The following AGAP1 variants were observed in gnomAD, a reference collection of about 807,000 sequenced individuals.
The protein encoded by AGAP1 is arf-GAP with GTPase, ANK repeat and PH domain-containing protein 1.
AGAP1 carries 29 observed loss-of-function variants against 105.3 expected under a neutral mutation model. The observed-to-expected ratio is 0.28, with a 90% CI of 0.21 to 0.38. AGAP1 has a LOEUF of 0.38. AGAP1 is among the 10% of genes least tolerant of loss of function. The probability of loss-of-function intolerance (pLI) is 1.00; values close to 1 mark genes in which losing one functional copy is unlikely to be tolerated. For synonymous variants in AGAP1, 509 were observed against 485.9 expected (o/e 1.05, Z -0.63); for missense variants, 998 against 1,165.1 (o/e 0.86, Z 2.09).
chr2:235,745,396 C>G (rs917824397), intron 5 of AGAP1, among the ~76,000 whole-genome samples: 4 of 152,170 alleles, frequency 2.6e-5, no homozygotes, highest in Non-Finnish European at 4.4e-5. Context: ...CTGAGGGTCA[C>G]TTCGAACTTG....
chr2:235,745,921 G>A (rs1952893068), intron 5 of AGAP1, among the ~76,000 whole-genome samples: 1 of 152,212 alleles, frequency 6.6e-6, no homozygotes, highest in African/African-American at 2.4e-5. Context: ...TTGAAGTCAG[G>A]AGTTGACCAG....
intron 12 of AGAP1, among the ~76,000 whole-genome samples, chr2:235,941,854 G>GA (rs1553685078): frequency 1.4e-5 from 2 of 139,994 alleles, no homozygotes; most frequent in Admixed American, 6.8e-5. Context: ...GTTGTTGGGG[G>GA]GGTAAGAAGG....
At chr2:235,681,230 C>T (rs544226786) in intron 1 of AGAP1, among the ~76,000 whole-genome samples, 127 of 152,266 alleles carry the variant, frequency 8.3e-4, no homozygotes, top group African/African-American at 2.9e-3. Context: ...AGGATGGTCT[C>T]GATCTCCTGA....
chr2:235,681,057 G>A (rs1559342841), intron 1 of AGAP1, among the ~76,000 whole-genome samples: 1 of 152,096 alleles, frequency 6.6e-6, no homozygotes. Flanking sequence ...CGCCCAGGCT[G>A]GAGTGCAGTG....
intron 13 of AGAP1, among the ~76,000 whole-genome samples, chr2:235,997,021 C>T (rs145112108): frequency 6.2e-4 from 94 of 152,282 alleles, no homozygotes; most frequent in Non-Finnish European, 1.1e-3. Flanking sequence ...TGGCTTTACC[C>T]ATAATGAAGA....
intron 1 of AGAP1, among the ~76,000 whole-genome samples, chr2:235,640,542 T>A (rs998812822): frequency 1.3e-5 from 2 of 152,244 alleles, no homozygotes; most frequent in South Asian, 4.1e-4. Context: ...GGAGTTGCAT[T>A]TCCTGGTTGT....
At position 235,994,767 on chromosome 2, in the gene AGAP1, T is replaced by G. The variant is rs956539579; in HGVS notation, c.1645+26144T>G. Among the ~76,000 whole-genome samples, 1 of 150,984 alleles carries G rather than the reference T, an allele frequency of 6.6e-6. No individual in the cohort carries two copies. Among genetic ancestry groups the G allele is most frequent in the South Asian group, 2.1e-4 (1 of 4,790 alleles). ...ATGAATTTCTTTCTTTTTTTTTTTT[T>G]AAACTAAAATTAGAATAGGCCGGGC... On this transcript the variant is annotated intron_variant, in intron 13 of 17. Coordinates refer to ENST00000304032, the MANE Select transcript of AGAP1 (RefSeq NM_001037131.3). This position sits in a 1 kb window ranked among gnomAD's most constrained non-coding sequence, Gnocchi z 4.4.
intron 6 of AGAP1, among the ~76,000 whole-genome samples, chr2:235,781,512 T>C (rs1330524834): frequency 6.6e-6 from 1 of 152,244 alleles, no homozygotes; most frequent in Middle Eastern, 3.2e-3. Flanking sequence ...ATGGATGTTA[T>C]GACAGTTAAA....
rs1054051640 is a variant in AGAP1 at position 235,900,242 on chromosome 2, A to G, written c.1156-8496A>G. ...ACACATACTCTTCCTTACCTCCATG[A>G]TGGAGTAGTAGACTGATTTCATCTT... On this transcript the variant is annotated intron_variant, in intron 10 of 17. Coordinates refer to ENST00000304032, the MANE Select transcript of AGAP1 (RefSeq NM_001037131.3). The surrounding 1 kb of genome is among the most constrained non-coding windows in gnomAD (Gnocchi z 5.5). Among the ~76,000 whole-genome samples, 2 of 152,200 alleles carry G rather than the reference A, an allele frequency of 1.3e-5. No homozygotes were observed. The highest frequency in any genetic ancestry group is 2.9e-5 in the Non-Finnish European group (2 of 68,034).
At chr2:235,687,749 G>T (rs1417255837) in intron 1 of AGAP1, among the ~76,000 whole-genome samples, 2 of 152,076 alleles carry the variant, frequency 1.3e-5, no homozygotes, top group Non-Finnish European at 2.9e-5. Flanking sequence ...ATTTATTTAA[G>T]ACATTAGCTG....
At chr2:236,010,744 C>T (rs2056482285) in intron 13 of AGAP1, among the ~76,000 whole-genome samples, 1 of 152,132 alleles carries the variant, frequency 6.6e-6, no homozygotes, top group South Asian at 2.1e-4. Context: ...TGTGTGTTTT[C>T]CGGAAAATTA....
At chr2:235,895,913 G>T (rs952045303) in intron 10 of AGAP1, among the ~76,000 whole-genome samples, 2 of 152,198 alleles carry the variant, frequency 1.3e-5, no homozygotes, top group Non-Finnish European at 2.9e-5. Flanking sequence ...GAAGGATCTT[G>T]ATGGGAGAAA....
intron 1 of AGAP1, among the ~76,000 whole-genome samples, chr2:235,699,851 T>C (rs896587216): frequency 2.0e-5 from 3 of 152,202 alleles, no homozygotes; most frequent in Non-Finnish European, 4.4e-5. Flanking sequence ...ACAAGGAAGC[T>C]ATGAGGTGTG....
chr2:235,538,275 A>G (rs924557436), intron 1 of AGAP1, among the ~76,000 whole-genome samples: 35 of 152,316 alleles, frequency 2.3e-4, no homozygotes, highest in African/African-American at 8.4e-4. Flanking sequence ...TGGCTAAGGC[A>G]TATTGTGTCT....
chr2:235,671,112 C>A (rs923991468), intron 1 of AGAP1: 1 of 1,243,308 alleles, frequency 8.0e-7, no homozygotes, highest in Non-Finnish European at 1.0e-6. Context: ...GGGGACTTGC[C>A]GGTTCCGCAG....
At chr2:236,068,725 G>A (rs1451061075) in intron 16 of AGAP1, among the ~76,000 whole-genome samples, 5 of 146,392 alleles carry the variant, frequency 3.4e-5, no homozygotes, top group South Asian at 2.2e-4. Context: ...GCGTGAACCC[G>A]AGAGGCAGAG....
chr2:235,853,854 G>A (rs1202290973), intron 9 of AGAP1, among the ~76,000 whole-genome samples: 1 of 151,896 alleles, frequency 6.6e-6, no homozygotes, highest in Non-Finnish European at 1.5e-5. Flanking sequence ...GCTATACCTT[G>A]AATTAACTTG....
intron 1 of AGAP1, among the ~76,000 whole-genome samples, chr2:235,588,517 C>G (rs1945209681): frequency 6.6e-6 from 1 of 152,138 alleles, no homozygotes; most frequent in Non-Finnish European, 1.5e-5. Flanking sequence ...GCCTCTCACA[C>G]TTAACCCCTC....
intron 16 of AGAP1, among the ~76,000 whole-genome samples, chr2:236,111,873 C>A (rs915629874): frequency 6.6e-6 from 1 of 152,100 alleles, no homozygotes; most frequent in Non-Finnish European, 1.5e-5. Context: ...CCCATGGCAT[C>A]CCCCAGTCAC....
Sources: allele counts gnomAD v4.1 joint callset (sites outside exome capture counted in the v4.1 genomes callset), GRCh38; gene constraint gnomAD v4.1.1; non-coding constraint Gnocchi (gnomAD v3.1); transcripts MANE v1.5; gene names NCBI Gene and HGNC (gene_info 2026-07-23, HGNC 2026-07-21).